The following ZC3H6 variants were observed in gnomAD, a reference collection of about 807,000 sequenced individuals.
The protein encoded by ZC3H6 is zinc finger CCCH-type containing 6, also known as zinc finger CCCH domain-containing protein 6.
ZC3H6 carries 40 observed loss-of-function variants against 107.7 expected under a neutral mutation model. The observed-to-expected ratio is 0.37, with a 90% confidence interval of 0.29 to 0.48. The LOEUF is 0.48. Among genes scored for constraint, ZC3H6 ranks in the 20% least tolerant of loss-of-function variants. The pLI is 0.98. For missense variants in ZC3H6, 1,267 were observed against 1,410.4 expected (o/e 0.90, Z 1.63); for synonymous variants, 493 against 487.9 (o/e 1.01, Z -0.14).
rs575973642 is a variant in ZC3H6, at chr2:112,287,591, A to G, written c.32+11565A>G. ...ATCAGATATTTTCTTATCAAAAACA[A>G]ATTTGTTGGAAAAAAAATTTTTTTT... On this transcript the variant is annotated intron_variant, in intron 1 of 11. Coordinates refer to ENST00000409871, the MANE Select transcript of ZC3H6 (RefSeq NM_198581.3). Among the ~76,000 whole-genome samples, 3 of 152,262 alleles carry G rather than the reference A, an allele frequency of 2.0e-5. No homozygotes were observed. In the South Asian group the frequency reaches 6.2e-4, roughly 32 times the overall value.
rs751411528 is a variant in ZC3H6, at chr2:112,311,878, CGTG to C, written c.690_692del (p.Gly232del). Reference sequence around the variant, plus strand: ...GCCGAAGAAAATCAAACGAAAAGAACGTGGGGGAAGAACCAATAAAGGGCCTAA... The same window carrying C: ...GCCGAAGAAAATCAAACGAAAAGAACGGGGAAGAACCAATAAAGGGCCTAA... On this transcript the variant is annotated inframe_deletion, in exon 5 of 12. Coordinates refer to ENST00000409871, the MANE Select transcript of ZC3H6 (RefSeq NM_198581.3). 2 of 1,613,204 alleles carry C rather than the reference CGTG, an allele frequency of 1.2e-6. No individual in the cohort carries two copies. Among genetic ancestry groups the C allele is most frequent in the East Asian group, 4.5e-5 (2 of 44,802 alleles).
chr2:112,324,947 CCATGTTATA>C lies in ZC3H6; in HGVS notation c.1853-11_1853-3del. ...GTGCTCACTCAATGACTGTCTCTCC[CCATGTTATA>C]CATGTAGATGGGATGTGGCATGGTG... On this transcript the variant is annotated splice_region_variant and splice_polypyrimidine_tract_variant and intron_variant, in intron 10 of 11. Coordinates refer to ENST00000409871, the MANE Select transcript of ZC3H6 (RefSeq NM_198581.3). 1 of 1,577,248 alleles carries C rather than the reference CCATGTTATA, an allele frequency of 6.3e-7. No homozygotes were observed. Among genetic ancestry groups the C allele is most frequent in the Non-Finnish European group, 8.6e-7 (1 of 1,160,424 alleles).
rs1487464385 is a variant in ZC3H6 at position 112,332,301 on chromosome 2, C to G, written c.3383C>G (p.Ala1128Gly). 1.9e-6 allele frequency: 3 copies of G among 1,613,810 alleles called. No homozygotes were observed. Among genetic ancestry groups the G allele is most frequent in the African/African-American group, 2.7e-5 (2 of 74,926 alleles). The change falls in exon 12 of 12, where the codon GCA becomes GGA. Residue 1128 changes from alanine (A) to glycine (G), a missense_variant. Ala to Gly is a moderately conservative substitution (Grantham distance 60). Coordinates refer to ENST00000409871, the MANE Select transcript of ZC3H6 (RefSeq NM_198581.3). Reference sequence around the variant, plus strand: ...AGTTCTGGTAAGGTTCAGGTCCCAGCAGTGCACAGCCTTCCTGTTCAGGCA... The same window carrying G: ...AGTTCTGGTAAGGTTCAGGTCCCAGGAGTGCACAGCCTTCCTGTTCAGGCA... The part of the protein sequence containing the change: ...PRSSGKVQVP[A>G]VHSLPVQALT...
intron 4 of ZC3H6, among the ~76,000 whole-genome samples, chr2:112,311,554 A>G (rs897841639): frequency 2.1e-4 from 32 of 152,194 alleles, no homozygotes; most frequent in Non-Finnish European, 5.9e-5. Context: ...ATTAAAAAGA[A>G]TAAAACTTGA....
At position 112,331,704 on chromosome 2, in the gene ZC3H6, A is replaced by G. The variant is rs1677035302; in HGVS notation, c.2786A>G (p.Asp929Gly). Reference sequence around the variant, plus strand: ...CTTCATCAAAATACAGTGTCCATTGATCCAAAATTAGCAGCCAAAGCCAAA... The same window carrying G: ...CTTCATCAAAATACAGTGTCCATTGGTCCAAAATTAGCAGCCAAAGCCAAA... ...SDLHQNTVSI[D>G]PKLAAKAKIN... The change falls in exon 12 of 12, where the codon GAT (aspartate) becomes GGT (glycine). Residue 929 changes from aspartate (D) to glycine (G), a missense_variant. This residue lies in a region of ZC3H6 where 925 missense variants were observed against 1,025.7 expected (regional missense o/e 0.90). Transcript: ENST00000409871. The G allele has an allele frequency of 3.1e-6, 5 of 1,613,920 alleles. No homozygotes were observed. Among genetic ancestry groups the G allele is most frequent in the Non-Finnish European group, 2.5e-6 (3 of 1,179,872 alleles).
intron 2 of ZC3H6, 26 bp downstream of exon 2, chr2:112,300,055 T>C (rs778052578): frequency 7.6e-7 from 1 of 1,313,112 alleles, no homozygotes; most frequent in Non-Finnish European, 9.9e-7. Context: ...CTTTTTATTC[T>C]TTTGATAAAT....
chr2:112,292,345 T>C (rs201946191), intron 1 of ZC3H6, among the ~76,000 whole-genome samples: 1 of 152,240 alleles, frequency 6.6e-6, no homozygotes, highest in Non-Finnish European at 1.5e-5. Context: ...TTGGCCTGAC[T>C]GAATATCAGA....
rs1174243794 is a variant in ZC3H6, at chr2:112,331,967, G to A, written c.3049G>A (p.Gly1017Ser). Residue 1017 changes from glycine (G) to serine (S), a missense_variant, in exon 12 of 12, where the codon GGT becomes AGT. Gly to Ser is a moderately conservative substitution (Grantham distance 56). This residue lies in a region of ZC3H6 where 925 missense variants were observed against 1,025.7 expected (regional missense o/e 0.90). Coordinates refer to ENST00000409871, the MANE Select transcript of ZC3H6 (RefSeq NM_198581.3). ...CTCAGGGGCAGGAACTAGCAATTCT[G>A]GTTCCGGGGCTCTGCCTCCATATGC... ...QPSGAGTSNS[G>S]SGALPPYAPK... 1 of 1,613,982 alleles carries A rather than the reference G, an allele frequency of 6.2e-7. No homozygotes were observed. Among genetic ancestry groups the A allele is most frequent in the Admixed American group, 1.7e-5 (1 of 60,018 alleles).
At chr2:112,315,240 T>TA (rs1273269120) in intron 5 of ZC3H6, among the ~76,000 whole-genome samples, 6 of 152,162 alleles carry the variant, frequency 3.9e-5, no homozygotes, top group African/African-American at 1.4e-4. Flanking sequence ...ATACTCTGCC[T>TA]TGTTACTTAA....
chr2:112,332,570 T>G lies in ZC3H6; in HGVS notation c.*82T>G. On this transcript the variant is annotated 3_prime_UTR_variant, in exon 12 of 12. Transcript: ENST00000409871. The stretch of plus-strand genomic sequence containing the variant: ...TTTTGTAACTGGTTTACCTCTATAG[T>G]TTATTTATTTTTAAATTATAAACAC... 7.4e-7 allele frequency: 1 copy of G among 1,346,986 alleles called. No individual in the cohort carries two copies. Among genetic ancestry groups the G allele is most frequent in the Non-Finnish European group, 1.0e-6 (1 of 999,056 alleles). 83.4% of individuals were successfully genotyped at this position (1,346,986 alleles called of 1,614,324 possible). A position where few individuals can be genotyped will look rare whatever the true frequency, so the allele number is the denominator to read the frequency against.
At position 112,299,653 on chromosome 2, in the gene ZC3H6, C is replaced by T. The variant is rs1385737091; in HGVS notation, c.33-196C>T. ...TTCTTAAAGGAATGTTAAATGAAGA[C>T]GAATTCGCAACAGAAACCATATATG... On this transcript the variant is annotated intron_variant, in intron 1 of 11. Transcript: ENST00000409871. Among the ~76,000 whole-genome samples, 5 of 152,214 alleles carry T rather than the reference C, an allele frequency of 3.3e-5. No homozygotes were observed. In the South Asian group the frequency reaches 8.3e-4, roughly 25 times the overall value.
chr2:112,327,291 C>A (rs1313350827), intron 11 of ZC3H6, among the ~76,000 whole-genome samples: 1 of 152,192 alleles, frequency 6.6e-6, no homozygotes, highest in East Asian at 1.9e-4. Context: ...TGCACCTTTT[C>A]ATATCCCTGT....
intron 3 of ZC3H6, among the ~76,000 whole-genome samples, chr2:112,304,550 C>T (rs1029589796): frequency 6.6e-6 from 1 of 152,138 alleles, no homozygotes; most frequent in African/African-American, 2.4e-5. Flanking sequence ...TTCTCTGTGT[C>T]CAAAATTCCT....
chr2:112,289,738 G>T (rs1317416183), intron 1 of ZC3H6, among the ~76,000 whole-genome samples: 17 of 150,680 alleles, frequency 1.1e-4, no homozygotes, highest in African/African-American at 3.9e-4. Flanking sequence ...ACCGTTTTTT[G>T]TTTGTTTTGT....
At chr2:112,313,219 T>C (rs1335180482) in intron 5 of ZC3H6, among the ~76,000 whole-genome samples, 2 of 152,178 alleles carry the variant, frequency 1.3e-5, no homozygotes, top group Non-Finnish European at 2.9e-5. Flanking sequence ...CCTACTAACA[T>C]TCACTGAGCC....
At chr2:112,308,404 T>TTTAATTTA (rs1553493700) in intron 3 of ZC3H6, among the ~76,000 whole-genome samples, 4 of 138,274 alleles carry the variant, frequency 2.9e-5, no homozygotes, top group African/African-American at 1.1e-4. Context: ...TTTTATTTTA[T>TTTAATTTA]TTTATTTATT....
chr2:112,319,636 ACT>A (rs1322956343), intron 7 of ZC3H6, among the ~76,000 whole-genome samples: 2 of 151,328 alleles, frequency 1.3e-5, no homozygotes, highest in Non-Finnish European at 2.9e-5. Context: ...ACAGAGCAAG[ACT>A]CTGTCTCAAA....
intron 5 of ZC3H6, among the ~76,000 whole-genome samples, chr2:112,312,883 G>A (rs949124213): frequency 6.7e-6 from 1 of 148,918 alleles, no homozygotes; most frequent in African/African-American, 2.5e-5. Context: ...AAAAAAAGCT[G>A]CAACTTTGTG....
intron 7 of ZC3H6, among the ~76,000 whole-genome samples, chr2:112,321,257 T>C (rs1334659718): frequency 6.6e-6 from 1 of 151,992 alleles, no homozygotes; most frequent in Non-Finnish European, 1.5e-5. Context: ...TAATTTTCTT[T>C]ATAAATATAA....
Sources: allele counts gnomAD v4.1 joint callset (sites outside exome capture counted in the v4.1 genomes callset), GRCh38; gene constraint gnomAD v4.1.1; regional missense constraint gnomAD v4.1.1; transcripts MANE v1.5; gene names NCBI Gene and HGNC (gene_info 2026-07-23, HGNC 2026-07-21).